The following NTMT1 variants were observed in gnomAD, a reference collection of about 807,000 sequenced individuals.
NTMT1 encodes the protein N-terminal Xaa-Pro-Lys N-methyltransferase 1, also known as N-terminal RCC1 methyltransferase.
Under a neutral mutation model 17.5 loss-of-function variants are expected in NTMT1, and 8 were observed. The ratio of observed to expected loss-of-function variants is 0.46; its 90% CI spans 0.27 to 0.82. The LOEUF (loss-of-function observed/expected upper bound fraction) is 0.82, where lower values mean the gene tolerates loss of function less well. NTMT1 is among the 40% of genes least tolerant of loss of function. The probability of loss-of-function intolerance (pLI) is 0.15; values close to 1 mark genes in which losing one functional copy is unlikely to be tolerated. For synonymous variants in NTMT1, 128 were observed against 126.8 expected (o/e 1.01, Z -0.06); for missense variants, 221 against 303.5 (o/e 0.73, Z 2.02).
intron 1 of NTMT1, chr9:129,615,434 C>A: frequency 6.6e-7 from 1 of 1,512,356 alleles, no homozygotes; most frequent in South Asian, 1.3e-5. Context: ...TCTCTGCCCT[C>A]CTGGCTAGAA....
chr9:129,618,659 G>A (rs1830508367), intron 1 of NTMT1, among the ~76,000 whole-genome samples: 2 of 151,990 alleles, frequency 1.3e-5, no homozygotes, highest in Admixed American at 6.6e-5. Flanking sequence ...GGATAGAAGT[G>A]TGGGAGTTTT....
At chr9:129,629,716 G>A (rs1831064750) in intron 1 of NTMT1, among the ~76,000 whole-genome samples, 1 of 152,210 alleles carries the variant, frequency 6.6e-6, no homozygotes, top group South Asian at 2.1e-4. Flanking sequence ...TCCCTGATTG[G>A]TGAAGTGACT....
At chr9:129,634,376 A>G (rs1558873) in intron 3 of NTMT1, 70 bp downstream of exon 3, 1,489,822 of 1,525,888 alleles carry the variant, frequency 0.98, 727,675 homozygotes, top group Middle Eastern at 0.98. Flanking sequence ...ATAAGGTGTC[A>G]GGACCAGGGC....
At position 129,632,688 on chromosome 9, in the gene NTMT1, C is replaced by T. The variant is rs372438570; in HGVS notation, c.-16C>T. ...GCTGATCGTGGTGCTTGAGTAGAGC[C>T]GTGGTTGGTGACAGCATGACGAGCG... On this transcript the variant is annotated 5_prime_UTR_variant, in exon 2 of 4. Coordinates refer to ENST00000372483, the MANE Select transcript of NTMT1 (RefSeq NM_014064.4). The T allele has an allele frequency of 8.1e-6, 13 of 1,613,486 alleles. No individual in the cohort carries two copies. The highest frequency in any genetic ancestry group is 2.2e-5 in the East Asian group (1 of 44,884).
In NTMT1 at chr9:129,634,279, G is replaced by A. The variant is rs1194885440; in HGVS notation, c.388G>A (p.Asp130Asn). Residue 130 changes from aspartate to asparagine, a missense_variant, in exon 3 of 4, where the codon GAC (aspartate) becomes AAC (asparagine). By Grantham distance (23) the Asp-to-Asn change is conservative (BLOSUM62 1). Coordinates refer to ENST00000372483, the MANE Select transcript of NTMT1 (RefSeq NM_014064.4). The part of the protein sequence containing the change: ...QDFTPEPDSY[D>N]VIWIQWVIGH... Reference sequence around the variant, plus strand: ...CTTCACCCCGGAGCCGGACTCTTACGACGTGATCTGGATCCAGTGGGTGAT... The same window carrying A: ...CTTCACCCCGGAGCCGGACTCTTACAACGTGATCTGGATCCAGTGGGTGAT... 2.5e-6 allele frequency: 4 copies of A among 1,610,144 alleles called. No homozygotes were observed. The highest frequency in any genetic ancestry group is 3.4e-6 in the Non-Finnish European group (4 of 1,177,512).
At chr9:129,615,635 A>G in intron 1 of NTMT1, 2 of 1,571,542 alleles carry the variant, frequency 1.3e-6, no homozygotes, top group Middle Eastern at 3.4e-4. Flanking sequence ...GGACCTGTGC[A>G]CCGTGGGGCC....
chr9:129,634,947 A>C, intron 3 of NTMT1: 3 of 481,410 alleles, frequency 6.2e-6, no homozygotes, highest in Admixed American at 3.6e-5. Context: ...GTGTGTAGGT[A>C]TCAGGCAGGA....
chr9:129,625,051 C>T (rs1481015756), upstream of NTMT1, among the ~76,000 whole-genome samples: 1 of 152,194 alleles, frequency 6.6e-6, no homozygotes, highest in Non-Finnish European at 1.5e-5. Flanking sequence ...GTGCAATGTC[C>T]CACAAGTTTA....
rs1376598330 is a variant in NTMT1, at chr9:129,635,249, T to C, written c.457T>C (p.Cys153Arg). ...DQHLAEFLRR[C>R]KGSLRPNGII... The stretch of plus-strand genomic sequence containing the variant: ...GCACCTGGCCGAGTTCCTGCGGCGC[T>C]GCAAGGGCAGCCTCCGCCCCAACGG... Residue 153 changes from cysteine (C) to arginine (R), a missense_variant, in exon 4 of 4, where the codon TGC becomes CGC. Physicochemically the swap from Cys to Arg is radical, Grantham distance 180. Coordinates refer to ENST00000372483, the MANE Select transcript of NTMT1 (RefSeq NM_014064.4). 6 of 1,612,858 alleles carry C rather than the reference T, an allele frequency of 3.7e-6. No homozygotes were observed. The highest frequency in any genetic ancestry group is 1.1e-5 in the South Asian group (1 of 91,086).
chr9:129,613,203 G>A lies in NTMT1; in HGVS notation c.-55+4025G>A, dbSNP rs775115872. ...TCCATGAACAGAAGGGCAGGCTGCT[G>A]TTCATGGAGGTGTCCTCAGAAAGGT... On this transcript the variant is annotated intron_variant, in intron 1 of 3. Coordinates refer to the NTMT1 transcript ENST00000372486. The surrounding 1 kb of genome is among the most constrained non-coding windows in gnomAD (Gnocchi z 6.2). 6.2e-7 allele frequency: 1 copy of A among 1,613,458 alleles called. No individual in the cohort carries two copies. The highest frequency in any genetic ancestry group is 1.3e-5 in the African/African-American group (1 of 75,036).
chr9:129,635,610 T>A lies in NTMT1; in HGVS notation c.*146T>A. On this transcript the variant is annotated 3_prime_UTR_variant, in exon 4 of 4. Transcript: ENST00000372483. ...TCTGCCGTCCACTCATTATGCGGGC[T>A]CTTCTTCAAAAGGCAAGGTGGGACC... 2 of 1,057,524 alleles carry A rather than the reference T, an allele frequency of 1.9e-6. No individual in the cohort carries two copies. Among genetic ancestry groups the A allele is most frequent in the Non-Finnish European group, 2.7e-6 (2 of 731,978 alleles). The allele number at this position is 1,057,524 out of a possible 1,614,324, so 65.5% of individuals were successfully genotyped here.
chr9:129,623,823 C>CTTTTTTTTTTTTTT (rs746654555), upstream of NTMT1, among the ~76,000 whole-genome samples: 409 of 107,456 alleles, frequency 3.8e-3, 8 homozygotes, highest in Non-Finnish European at 4.6e-3. Flanking sequence ...TTTTTCTTTT[C>CTTTTTTTTTTTTTT]TTTTCTTTTT....
rs1830600058 is a variant in NTMT1, at chr9:129,620,037, G to T, written c.-55+10859G>T. 6.9e-7 allele frequency: 1 copy of T among 1,454,486 alleles called. No individual in the cohort carries two copies. The highest frequency in any genetic ancestry group is 9.1e-7 in the Non-Finnish European group (1 of 1,101,270). 90.1% of individuals were successfully genotyped at this position (1,454,486 alleles called of 1,614,324 possible). A position where few individuals can be genotyped will look rare whatever the true frequency, so the allele number is the denominator to read the frequency against. ...CCACCCCCCACCGGAAATGACTCGG[G>T]CCCGCCCCCCGGGCCCCGCGGGGCC... On this transcript the variant is annotated intron_variant, in intron 1 of 3. Transcript: ENST00000372486. The surrounding 1 kb of genome is among the most constrained non-coding windows in gnomAD (Gnocchi z 5.8).
At chr9:129,625,952 C>T (rs1224775246), upstream of NTMT1, among the ~76,000 whole-genome samples, 1 of 147,284 alleles carries the variant, frequency 6.8e-6, no homozygotes, top group Non-Finnish European at 1.5e-5. Context: ...GCAGAGGTTG[C>T]GGTGAGCCGA....
At chr9:129,619,618 G>C (rs1830570110) in intron 1 of NTMT1, 2 of 1,614,070 alleles carry the variant, frequency 1.2e-6, no homozygotes, top group Non-Finnish European at 1.7e-6. Flanking sequence ...GACTATCCTG[G>C]AGGTGCGATG....
In NTMT1 at chr9:129,632,881, G is replaced by C. The variant is rs371187316; in HGVS notation, c.162+16G>C. 8.0e-5 allele frequency: 129 copies of C among 1,612,334 alleles called. No homozygotes were observed. The highest frequency in any genetic ancestry group is 6.2e-5 in the Non-Finnish European group (73 of 1,179,162). ...GTTTTTGAGGGTAGGCAGGTCTGGC[G>C]TGCTCTCCAGGAGAGGCTGTGGCTC... On this transcript the variant is annotated intron_variant, in intron 2 of 3. Coordinates refer to ENST00000372483, the MANE Select transcript of NTMT1 (RefSeq NM_014064.4).
Position 129,634,052 on chromosome 9 carries a change from A to G in NTMT1, c.163-2A>G. ...GATAGGTTATATGCCTCTGCTTTTCAGGAAGGCCCGAACAAGACAGGAACG... is the reference window on the plus strand; with the variant it reads ...GATAGGTTATATGCCTCTGCTTTTCGGGAAGGCCCGAACAAGACAGGAACG... On this transcript the variant is annotated splice_acceptor_variant, in intron 2 of 3. Transcript: ENST00000372483. LOFTEE classifies it high-confidence loss of function. 3 of 1,613,030 alleles carry G rather than the reference A, an allele frequency of 1.9e-6. No individual in the cohort carries two copies. Among genetic ancestry groups the G allele is most frequent in the Non-Finnish European group, 2.5e-6 (3 of 1,179,258 alleles).
At chr9:129,631,547 C>T (rs1367928545) in intron 1 of NTMT1, among the ~76,000 whole-genome samples, 1 of 152,220 alleles carries the variant, frequency 6.6e-6, no homozygotes, top group Non-Finnish European at 1.5e-5. Flanking sequence ...CCCCTGCCAT[C>T]TCCACCGCCG....
chr9:129,631,991 G>T (rs2900277), intron 1 of NTMT1, among the ~76,000 whole-genome samples: 106,830 of 152,054 alleles, frequency 0.7, 37,803 homozygotes, highest in Non-Finnish European at 0.75. Flanking sequence ...GGACCCCACC[G>T]TGAGTTGTTG....
Sources: allele counts gnomAD v4.1 joint callset (sites outside exome capture counted in the v4.1 genomes callset), GRCh38; gene constraint gnomAD v4.1.1; non-coding constraint Gnocchi (gnomAD v3.1); transcripts MANE v1.5; gene names NCBI Gene and HGNC (gene_info 2026-07-23, HGNC 2026-07-21).